MYH15: variants seen among roughly 807,000 people sequenced by gnomAD.
MYH15 encodes the protein myosin-15.
A neutral mutation model predicts 240.5 loss-of-function variants in MYH15; 227 were observed. That is an observed-to-expected ratio of 0.94 (90% CI 0.85 to 1.05). The LOEUF (loss-of-function observed/expected upper bound fraction) is 1.05, where lower values mean the gene tolerates loss of function less well. MYH15 is among the 50% of genes least tolerant of loss of function. The pLI, the probability that MYH15 is intolerant of heterozygous loss-of-function variation, is 0.00. For synonymous variants in MYH15, 785 were observed against 796.7 expected (o/e 0.99, Z 0.25); for missense variants, 2,217 against 2,247.5 (o/e 0.99, Z 0.27).
At chr3:108,400,399 G>A (rs1160591166) in intron 33 of MYH15, among the ~76,000 whole-genome samples, 1 of 152,196 alleles carries the variant, frequency 6.6e-6, no homozygotes, top group African/African-American at 2.4e-5. Flanking sequence ...ACAGATAATA[G>A]AGAACAGAGA....
chr3:108,497,987 A>C (rs1345270408), intron 6 of MYH15, 65 bp downstream of exon 6: 5 of 1,431,114 alleles, frequency 3.5e-6, no homozygotes, highest in Non-Finnish European at 4.9e-6. Context: ...TGGTCCGGAC[A>C]CAACCTCCAT....
intron 32 of MYH15, among the ~76,000 whole-genome samples, chr3:108,405,885 G>A (rs1334647625): frequency 6.6e-6 from 1 of 152,158 alleles, no homozygotes; most frequent in African/African-American, 2.4e-5. Flanking sequence ...AGGGGATAGA[G>A]GAAAAGTTGG....
At chr3:108,433,485 G>A (rs1044604314) in intron 25 of MYH15, among the ~76,000 whole-genome samples, 4 of 152,158 alleles carry the variant, frequency 2.6e-5, no homozygotes, top group Admixed American at 6.5e-5. Flanking sequence ...GTGAGGACAT[G>A]AGATTTGAGA....
chr3:108,541,971 A>C, the MYH15 span, among the ~76,000 whole-genome samples: 1 of 152,164 alleles, frequency 6.6e-6, no homozygotes, highest in African/African-American at 2.4e-5. Flanking sequence ...TTATCTCTTT[A>C]AGAATACATA....
At chr3:108,450,418 T>A (rs1278457331) in intron 21 of MYH15, among the ~76,000 whole-genome samples, 1 of 152,138 alleles carries the variant, frequency 6.6e-6, no homozygotes, top group Admixed American at 6.5e-5. Flanking sequence ...CTAGAGGACA[T>A]TATGCTAAAT....
chr3:108,478,519 C>T (rs529955694), intron 11 of MYH15, among the ~76,000 whole-genome samples: 1 of 152,172 alleles, frequency 6.6e-6, no homozygotes, highest in South Asian at 2.1e-4. Context: ...TCCAGTATGT[C>T]AAATCATAGA....
At chr3:108,425,185 TA>T (rs1391988833) in intron 27 of MYH15, among the ~76,000 whole-genome samples, 1 of 152,190 alleles carries the variant, frequency 6.6e-6, no homozygotes, top group Non-Finnish European at 1.5e-5. Context: ...CAGATTGGTG[TA>T]AAAATGAATA....
At chr3:108,467,929 T>C (rs2083134164) in intron 14 of MYH15, among the ~76,000 whole-genome samples, 1 of 152,094 alleles carries the variant, frequency 6.6e-6, no homozygotes, top group East Asian at 1.9e-4. Context: ...CAATTAAAGT[T>C]TGTGTTAGAA....
intron 1 of MYH15, among the ~76,000 whole-genome samples, chr3:108,523,047 A>G (rs1305436002): frequency 6.6e-6 from 1 of 152,092 alleles, no homozygotes; most frequent in Non-Finnish European, 1.5e-5. Flanking sequence ...GTGTGGATAT[A>G]AAGTGATAGT....
At chr3:108,539,224 A>G in the MYH15 span, among the ~76,000 whole-genome samples, 1 of 152,192 alleles carries the variant, frequency 6.6e-6, no homozygotes, top group Non-Finnish European at 1.5e-5. Flanking sequence ...CTCTCATATT[A>G]TTGAGTGAAA....
At chr3:108,527,691 T>G (rs575197001) in intron 1 of MYH15, among the ~76,000 whole-genome samples, 1 of 152,172 alleles carries the variant, frequency 6.6e-6, no homozygotes, top group Non-Finnish European at 1.5e-5. Context: ...AAAAATCTTA[T>G]GGCTTATCAA....
At chr3:108,384,839 G>A in intron 38 of MYH15, 57 bp from the exon 39 acceptor site, 1 of 1,458,414 alleles carries the variant, frequency 6.9e-7, no homozygotes, top group Non-Finnish European at 9.6e-7. Context: ...AGTCTACGTT[G>A]GTGTAGTCTC....
the MYH15 span, among the ~76,000 whole-genome samples, chr3:108,537,432 T>A: frequency 6.6e-6 from 1 of 152,168 alleles, no homozygotes. Flanking sequence ...ATAATAGTAT[T>A]AAGAGGGAGG....
At chr3:108,423,998 G>T (rs1229434002) in intron 27 of MYH15, among the ~76,000 whole-genome samples, 1 of 152,208 alleles carries the variant, frequency 6.6e-6, no homozygotes, top group East Asian at 1.9e-4. Context: ...TAAATGACCT[G>T]TTAACTGAGC....
intron 21 of MYH15, among the ~76,000 whole-genome samples, chr3:108,451,726 C>T (rs2107575679): frequency 6.6e-6 from 1 of 152,094 alleles, no homozygotes; most frequent in African/African-American, 2.4e-5. Context: ...AAATTACAGG[C>T]CAATCTTATT....
chr3:108,413,182 C>A (rs1182341705), intron 30 of MYH15, among the ~76,000 whole-genome samples: 1 of 152,192 alleles, frequency 6.6e-6, no homozygotes, highest in East Asian at 1.9e-4. Flanking sequence ...GAAGTAAATA[C>A]CATATTTGGA....
chr3:108,526,940 C>T (rs945386390), intron 1 of MYH15, among the ~76,000 whole-genome samples: 1 of 152,178 alleles, frequency 6.6e-6, no homozygotes, highest in Non-Finnish European at 1.5e-5. Flanking sequence ...GTAGCTAATC[C>T]ACTTTGAAGA....
At chr3:108,507,665 T>A (rs1311455009) in intron 1 of MYH15, among the ~76,000 whole-genome samples, 1 of 152,206 alleles carries the variant, frequency 6.6e-6, no homozygotes, top group Non-Finnish European at 1.5e-5. Flanking sequence ...CAGTGCTGCC[T>A]TCTTCGTTTC....
In MYH15 at chr3:108,417,210, T is replaced by TA. The variant is rs149885000; in HGVS notation, c.3830-281dup. Among the ~76,000 whole-genome samples the TA allele has an allele frequency of 3.7e-3, 566 of 152,368 alleles. 25 individuals are homozygous for TA. In the East Asian group the frequency reaches 0.089, roughly 24 times the overall value. ...TATTGAGAAACTTCTATGCTCTAGG[T>TA]ACTTAACGTATGTTATCTAGTTTAA... On this transcript the variant is annotated intron_variant, in intron 28 of 40. Transcript: ENST00000693548.
Sources: gnomAD v4.1 joint callset for allele counts (sites outside exome capture counted in the v4.1 genomes callset) on GRCh38, gnomAD v4.1.1 for gene constraint, MANE v1.5 for transcripts, NCBI Gene and HGNC (gene_info 2026-07-23, HGNC 2026-07-21) for gene names.